Variants in ANKRD28 observed in about 807,000 individuals in gnomAD.
The protein encoded by ANKRD28 is ankyrin repeat domain 28.
ANKRD28 carries 44 observed loss-of-function variants against 126.5 expected under a neutral mutation model. The ratio of observed to expected loss-of-function variants is 0.35; its 90% CI spans 0.27 to 0.45. The LOEUF is 0.45. Among genes scored for constraint, ANKRD28 ranks in the 20% least tolerant of loss-of-function variants. The probability of loss-of-function intolerance (pLI) is 1.00; values close to 1 mark genes in which losing one functional copy is unlikely to be tolerated. For synonymous variants in ANKRD28, 442 were observed against 468.5 expected (o/e 0.94, Z 0.73); for missense variants, 1,110 against 1,316.6 (o/e 0.84, Z 2.43).
Position 15,839,541 on chromosome 3 carries a change from T to A in ANKRD28, c.27+19836A>T, listed in dbSNP as rs1213248020. Among the ~76,000 whole-genome samples the A allele has an allele frequency of 2.0e-5, 3 of 151,714 alleles. No homozygotes were observed. Among genetic ancestry groups the A allele is most frequent in the African/African-American group, 7.3e-5 (3 of 41,244 alleles). ...ACTTGAAGAGTGGGTCAAATTTCCA[T>A]CTGCAGGGTAAATAATAACATGATA... On this transcript the variant is annotated intron_variant, in intron 1 of 27. Transcript: ENST00000399451. This position sits in a 1 kb window ranked among gnomAD's most constrained non-coding sequence, Gnocchi z 4.3.
intron 1 of ANKRD28, among the ~76,000 whole-genome samples, chr3:15,850,263 A>AGAGAGAAAGAG (rs1282754856): frequency 2.9e-5 from 4 of 139,710 alleles, no homozygotes; most frequent in East Asian, 2.0e-4. Context: ...AGAGAGAGAG[A>AGAGAGAAAGAG]AAGTTGAAAT....
intron 1 of ANKRD28, among the ~76,000 whole-genome samples, chr3:15,805,741 T>A (rs939460373): frequency 6.6e-6 from 1 of 152,204 alleles, no homozygotes; most frequent in African/African-American, 2.4e-5. Context: ...ATGAAGTTAA[T>A]GCACTTTAAA....
intron 21 of ANKRD28, chr3:15,684,208 T>C (rs986303901): frequency 5.9e-5 from 9 of 152,228 alleles, no homozygotes; most frequent in East Asian, 3.8e-4. Flanking sequence ...ACATGCTTCA[T>C]TGCATAAATT....
At chr3:15,747,840 T>A (rs1575517006) in intron 4 of ANKRD28, among the ~76,000 whole-genome samples, 1 of 152,344 alleles carries the variant, frequency 6.6e-6, no homozygotes, top group East Asian at 1.9e-4. Context: ...TTCTTAGGTC[T>A]AGTAGTCACT....
rs79872944 is a variant in ANKRD28 at position 15,752,335 on chromosome 3, T to C, written c.281-515A>G. Among the ~76,000 whole-genome samples, 1,831 of 152,228 alleles carry C rather than the reference T, an allele frequency of 0.012. 75 individuals are homozygous for C. The East Asian group carries it at 0.13, about 11-fold the overall frequency. On this transcript the variant is annotated intron_variant, in intron 3 of 27. Transcript: ENST00000683139. ...AATGGTTACAGATTTAGAAAAATAA[T>C]TGAGAAAGAAATGAACCAACTCATG...
chr3:15,842,292 A>T lies in ANKRD28; in HGVS notation c.27+17085T>A, dbSNP rs368359256. Among the ~76,000 whole-genome samples, 4 of 152,168 alleles carry T rather than the reference A, an allele frequency of 2.6e-5. No homozygotes were observed. The East Asian group carries it at 7.7e-4, about 29-fold the overall frequency. On this transcript the variant is annotated intron_variant, in intron 1 of 27. Transcript: ENST00000399451. Reference sequence around the variant, plus strand: ...GGAGGTAATTATGTTCAGTGAAATAAGCCAGGCACAAAAAGACAAAGTTTG... The same window carrying T: ...GGAGGTAATTATGTTCAGTGAAATATGCCAGGCACAAAAAGACAAAGTTTG...
At position 15,797,139 on chromosome 3, in the gene ANKRD28, C is replaced by G. The variant is rs1195681595; in HGVS notation, c.-618G>C. On this transcript the variant is annotated 5_prime_UTR_variant, in exon 1 of 28. Coordinates refer to ENST00000683139, the MANE Select transcript of ANKRD28 (RefSeq NM_001349278.2). ...CAGAAAAAAGATCTAGAGCTCAGCA[C>G]AAATCCTGAAAATGAAGCTCAGAGG... 6 of 970,082 alleles carry G rather than the reference C, an allele frequency of 6.2e-6. No individual in the cohort carries two copies. The highest frequency in any genetic ancestry group is 7.3e-6 in the Non-Finnish European group (6 of 826,350). 60.1% of individuals were successfully genotyped at this position (970,082 alleles called of 1,614,324 possible). A position where few individuals can be genotyped will look rare whatever the true frequency, so the allele number is the denominator to read the frequency against.
chr3:15,780,569 AC>A (rs1341362469), intron 2 of ANKRD28, among the ~76,000 whole-genome samples: 1 of 152,142 alleles, frequency 6.6e-6, no homozygotes, highest in East Asian at 1.9e-4. Context: ...AGAAAAAACA[AC>A]CCTTAAATTC....
intron 3 of ANKRD28, among the ~76,000 whole-genome samples, chr3:15,754,281 A>G (rs917935910): frequency 4.6e-5 from 7 of 152,150 alleles, no homozygotes; most frequent in African/African-American, 1.7e-4. Context: ...CCCTTTGTCC[A>G]TCGTATCTTG....
At chr3:15,750,256 A>C (rs2057776109) in intron 4 of ANKRD28, among the ~76,000 whole-genome samples, 1 of 152,248 alleles carries the variant, frequency 6.6e-6, no homozygotes, top group African/African-American at 2.4e-5. Context: ...AGGTATGGCT[A>C]ACATTAATAT....
chr3:15,855,628 C>T (rs937742877), intron 1 of ANKRD28, among the ~76,000 whole-genome samples: 1 of 152,114 alleles, frequency 6.6e-6, no homozygotes, highest in African/African-American at 2.4e-5. Flanking sequence ...CCAACAGATT[C>T]GTGCACAACA....
At chr3:15,687,684 G>T (rs76109172) in intron 18 of ANKRD28, among the ~76,000 whole-genome samples, 1,946 of 151,464 alleles carry the variant, frequency 0.013, 46 homozygotes, top group African/African-American at 0.045. Flanking sequence ...TTAAACTTGT[G>T]GCTTAAATCA....
chr3:15,801,748 A>T (rs1479548173), upstream of ANKRD28, among the ~76,000 whole-genome samples: 1 of 152,208 alleles, frequency 6.6e-6, no homozygotes, highest in Non-Finnish European at 1.5e-5. This position sits in a 1 kb window ranked among gnomAD's most constrained non-coding sequence, Gnocchi z 4.9. Flanking sequence ...TATTAGAGCC[A>T]CTGCAAGAAA....
intron 2 of ANKRD28, among the ~76,000 whole-genome samples, chr3:15,780,316 T>C (rs961841774): frequency 1.3e-5 from 2 of 151,810 alleles, no homozygotes; most frequent in Non-Finnish European, 1.5e-5. Flanking sequence ...CCATTTATAA[T>C]AGCAACAACA....
chr3:15,748,160 T>C (rs1373431131), intron 4 of ANKRD28, among the ~76,000 whole-genome samples: 5 of 152,210 alleles, frequency 3.3e-5, no homozygotes, highest in African/African-American at 1.2e-4. Flanking sequence ...TTCTGTATCC[T>C]TTAAGTAGAG....
chr3:15,688,407 C>T (rs973760445), intron 18 of ANKRD28, among the ~76,000 whole-genome samples: 3 of 152,150 alleles, frequency 2.0e-5, no homozygotes, highest in African/African-American at 7.2e-5. Flanking sequence ...TACAGGCATG[C>T]GCCACCAAGT....
At chr3:15,713,340 G>T (rs2072578174) in intron 10 of ANKRD28, among the ~76,000 whole-genome samples, 187 bp downstream of exon 10, 1 of 152,086 alleles carries the variant, frequency 6.6e-6, no homozygotes, top group South Asian at 2.1e-4. Context: ...AAAATACACT[G>T]GCTTACCAAA....
At chr3:15,744,487 T>G (rs1415503856) in intron 4 of ANKRD28, among the ~76,000 whole-genome samples, 1 of 151,246 alleles carries the variant, frequency 6.6e-6, no homozygotes, top group Non-Finnish European at 1.5e-5. Flanking sequence ...TTTTTTTTTT[T>G]TGTACTTTTC....
At chr3:15,835,452 A>G (rs1440057681) in intron 1 of ANKRD28, among the ~76,000 whole-genome samples, 1 of 152,164 alleles carries the variant, frequency 6.6e-6, no homozygotes, top group African/African-American at 2.4e-5. Context: ...AACAACAACA[A>G]AAAAAGGTAG....
Sources: allele counts gnomAD v4.1 joint callset (sites outside exome capture counted in the v4.1 genomes callset), GRCh38; gene constraint gnomAD v4.1.1; non-coding constraint Gnocchi (gnomAD v3.1); transcripts MANE v1.5; gene names NCBI Gene and HGNC (gene_info 2026-07-23, HGNC 2026-07-21).